The following ZNF142 variants were observed in gnomAD, a reference collection of about 807,000 sequenced individuals.
ZNF142 encodes the protein zinc finger protein 142 (clone pHZ-49).
ZNF142 carries 96 observed loss-of-function variants against 132.1 expected under a neutral mutation model. The ratio of observed to expected loss-of-function variants is 0.73; its 90% CI spans 0.62 to 0.86. The LOEUF (loss-of-function observed/expected upper bound fraction) is 0.86, where lower values mean the gene tolerates loss of function less well. Ranked by LOEUF, ZNF142 falls within the 40% of genes least tolerant of loss-of-function variation. ZNF142 has a pLI of 0.00. For synonymous variants in ZNF142, 842 were observed against 890.1 expected (o/e 0.95, Z 0.96); for missense variants, 2,163 against 2,336.2 (o/e 0.93, Z 1.53).
rs775092227 is a variant in ZNF142 at position 218,643,150 on chromosome 2, G to T, written c.3966C>A (p.His1322Gln). Residue 1322 changes from histidine (H) to glutamine (Q), a missense_variant, in exon 9 of 11, where the codon CAC becomes CAA. This residue lies in a region of ZNF142 where 809 missense variants were observed against 801.7 expected (regional missense o/e 1.01). Transcript: ENST00000411696. ...CCTCGAGGGGGCAGCCCCGGATCTGGTGAGTCCTCAGAGCCCGTTCCTGCT... is the reference window on the plus strand; with the variant it reads ...CCTCGAGGGGGCAGCCCCGGATCTGTTGAGTCCTCAGAGCCCGTTCCTGCT... ...SCQQERALRT[H>Q]QIRGCPLEES... The T allele has an allele frequency of 6.2e-7, 1 of 1,614,228 alleles. No homozygotes were observed. Among genetic ancestry groups the T allele is most frequent in the South Asian group, 1.1e-5 (1 of 91,078 alleles).
intron 8 of ZNF142, 117 bp from the exon 9 acceptor site, chr2:218,645,181 T>A: frequency 7.7e-7 from 1 of 1,303,108 alleles, no homozygotes; most frequent in Non-Finnish European, 1.0e-6. Flanking sequence ...ATGTGTCACC[T>A]GATGTAACCC....
chr2:218,643,112 A>C lies in ZNF142; in HGVS notation c.4004T>G (p.Leu1335Arg), dbSNP rs1171379887. The C allele has an allele frequency of 3.7e-6, 6 of 1,612,822 alleles. No homozygotes were observed. Among genetic ancestry groups the C allele is most frequent in the Admixed American group, 1.7e-5 (1 of 59,750 alleles). The change falls in exon 9 of 11, where the codon CTG becomes CGG. Residue 1335 changes from leucine to arginine, a missense_variant. Coordinates refer to ENST00000411696, the MANE Select transcript of ZNF142 (RefSeq NM_001379659.1). ...AGTGAATGGGCAGAGGCTGCAGTGC[A>C]GCTCTCCAGACTCCTCGAGGGGGCA... ...RGCPLEESGE[L>R]HCSLCPFTAP... is the part of the protein sequence containing the mutation.
chr2:218,640,058 T>TAG (rs1697049018), intron 10 of ZNF142, among the ~76,000 whole-genome samples: 1 of 32,298 alleles, frequency 3.1e-5, no homozygotes, highest in Non-Finnish European at 5.4e-5. Flanking sequence ...CGAGACTCTG[T>TAG]CTCAAAAAAA....
chr2:218,648,072 A>G (rs1009972021), intron 7 of ZNF142, among the ~76,000 whole-genome samples: 1 of 152,214 alleles, frequency 6.6e-6, no homozygotes, highest in African/African-American at 2.4e-5. Flanking sequence ...AGAGATCACA[A>G]ATGGGATGAT....
chr2:218,657,072 C>T (rs771662552), intron 3 of ZNF142, among the ~76,000 whole-genome samples: 13 of 152,158 alleles, frequency 8.5e-5, no homozygotes, highest in Non-Finnish European at 1.6e-4. Context: ...CCCGTTTTGG[C>T]CTCCCAAAGT....
In ZNF142 at chr2:218,651,113, G is replaced by GT. The variant is rs571872454; in HGVS notation, c.880+587dup. ...GTGATCCCCCACCTCAACCTCCCGA[G>GT]TAACTGGGACTACAGACATGTACCA... On this transcript the variant is annotated intron_variant, in intron 5 of 10. Transcript: ENST00000411696. Among the ~76,000 whole-genome samples the GT allele has an allele frequency of 1.5e-4, 22 of 151,584 alleles. No homozygotes were observed. In the South Asian group the frequency reaches 4.4e-3, roughly 30 times the overall value.
Position 218,649,295 on chromosome 2 carries a change from T to C in ZNF142, c.1213A>G (p.Lys405Glu). ...NCQKFFTSKSKLKTHLLRELG... is the reference protein window; with the variant it reads ...NCQKFFTSKSELKTHLLRELG... ...TCCCGCAGCAGATGGGTCTTGAGCTTGCTCTTACTGGTGAAGAACTTCTGG... is the reference window on the plus strand; with the variant it reads ...TCCCGCAGCAGATGGGTCTTGAGCTCGCTCTTACTGGTGAAGAACTTCTGG... The change falls in exon 7 of 11, where the codon AAG becomes GAG. Residue 405 changes from lysine (K) to glutamate (E), a missense_variant. Physicochemically the swap from Lys to Glu is moderately conservative, Grantham distance 56. Transcript: ENST00000411696. 6.2e-7 allele frequency: 1 copy of C among 1,614,258 alleles called. No individual in the cohort carries two copies. The highest frequency in any genetic ancestry group is 1.7e-5 in the Admixed American group (1 of 60,036).
Position 218,638,327 on chromosome 2 carries a change from T to C in ZNF142, c.*12A>G. On this transcript the variant is annotated 3_prime_UTR_variant, in exon 11 of 11. Transcript: ENST00000411696. ...CCATACCCTCTTCCTATACAGGAGG[T>C]GGGGCAGGCTTTCAGCCCTCAGGTC... 6.6e-7 allele frequency: 1 copy of C among 1,504,334 alleles called. No individual in the cohort carries two copies. The highest frequency in any genetic ancestry group is 8.9e-7 in the Non-Finnish European group (1 of 1,126,644). The allele number at this position is 1,504,334 out of a possible 1,614,324, so 93.2% of individuals were successfully genotyped here. A position where few individuals can be genotyped will look rare whatever the true frequency, so the allele number is the denominator to read the frequency against.
Position 218,659,513 on chromosome 2 carries a change from C to A in ZNF142, c.-506G>T, listed in dbSNP as rs1441877178. The A allele has an allele frequency of 6.6e-6, 1 of 152,248 alleles. No homozygotes were observed. Among genetic ancestry groups the A allele is most frequent in the African/African-American group, 2.4e-5 (1 of 41,430 alleles). 9.4% of individuals were successfully genotyped at this position (152,248 alleles called of 1,614,324 possible). ...GGAAGCCACTCTCTCTTCCTCTTGC[C>A]GGCTGCCGGGGTACTCTATGTTTTG... On this transcript the variant is annotated 5_prime_UTR_variant, in exon 1 of 11. Transcript: ENST00000411696. This position sits in a 1 kb window ranked among gnomAD's most constrained non-coding sequence, Gnocchi z 4.4.
chr2:218,656,037 T>C (rs969019662), intron 4 of ZNF142, 113 bp downstream of exon 4: 20 of 1,301,528 alleles, frequency 1.5e-5, no homozygotes, highest in Middle Eastern at 2.8e-4. Context: ...TCTCCAAGTA[T>C]AAAAATAGGA....
rs774221961 is a variant in ZNF142 at position 218,638,578 on chromosome 2, G to A, written c.5425C>T (p.Arg1809Cys). ...HRAFRWAAGL[R>C]HHALTHTDRH... ...TCGGTGTGGGTGAGGGCATGATGGC[G>A]CAGGCCAGCAGCCCAGCGGAAAGCA... Residue 1809 changes from arginine (R) to cysteine (C), a missense_variant, in exon 11 of 11, where the codon CGC becomes TGC. Physicochemically the swap from Arg to Cys is radical, Grantham distance 180. This residue lies in a region of ZNF142 where 325 missense variants were observed against 367.8 expected (regional missense o/e 0.88). Coordinates refer to ENST00000411696, the MANE Select transcript of ZNF142 (RefSeq NM_001379659.1). The A allele has an allele frequency of 1.1e-5, 18 of 1,612,114 alleles. No homozygotes were observed. The highest frequency in any genetic ancestry group is 1.1e-4 in the East Asian group (5 of 44,826).
chr2:218,655,360 G>A (rs1305944585), intron 4 of ZNF142, among the ~76,000 whole-genome samples: 1 of 152,136 alleles, frequency 6.6e-6, no homozygotes, highest in Non-Finnish European at 1.5e-5. Flanking sequence ...ATGGCTGGAG[G>A]ACGGTAATTA....
Position 218,656,319 on chromosome 2 carries a change from C to T in ZNF142, c.111G>A (p.Leu37=). The part of the protein sequence containing the change: ...IPPPLSNRGI[L]GPVQSPCPSR... Reference sequence around the variant, plus strand: ...AAGGACAGGGGCTCTGGACAGGCCCCAGGATTCCACGGTTAGAGAGAGGCG... The same window carrying T: ...AAGGACAGGGGCTCTGGACAGGCCCTAGGATTCCACGGTTAGAGAGAGGCG... The change falls in exon 4 of 11, where the codon CTG becomes CTA. Residue 37 remains leucine (L), a synonymous_variant. Transcript: ENST00000411696. The T allele has an allele frequency of 1.9e-6, 3 of 1,604,424 alleles. No homozygotes were observed. The highest frequency in any genetic ancestry group is 2.6e-6 in the Non-Finnish European group (3 of 1,174,470).
In ZNF142 at chr2:218,651,814, CTGCAG is replaced by C. The variant is rs1308498087; in HGVS notation, c.762_766del (p.His254GlnfsTer64). 7.8e-7 allele frequency: 1 copy of C among 1,289,884 alleles called. No homozygotes were observed. The highest frequency in any genetic ancestry group is 1.0e-6 in the Non-Finnish European group (1 of 988,886). 79.9% of individuals were successfully genotyped at this position (1,289,884 alleles called of 1,614,324 possible). A position where few individuals can be genotyped will look rare whatever the true frequency, so the allele number is the denominator to read the frequency against. ...GAGTTTGACGTTGGAGCCTATGAAGCTGCAGTGGCTGCAGTGGAAAGGGTAATGCG... is the reference window on the plus strand; with the variant it reads ...GAGTTTGACGTTGGAGCCTATGAAGCTGGCTGCAGTGGAAAGGGTAATGCG... On this transcript the variant is annotated frameshift_variant, in exon 5 of 11. Transcript: ENST00000411696. LOFTEE classifies it high-confidence loss of function.
Position 218,638,522 on chromosome 2 carries a change from G to A in ZNF142, c.5481C>T (p.Asn1827=). Reference sequence around the variant, plus strand: ...CCTGGAACTTTTGCTTGGCCTTGTAGTTGCAGAGGCGGCAAAAGAAGGGGT... The same window carrying A: ...CCTGGAACTTTTGCTTGGCCTTGTAATTGCAGAGGCGGCAAAAGAAGGGGT... ...DRHPFFCRLC[N]YKAKQKFQVV... is the part of the protein sequence containing the mutation. The change falls in exon 11 of 11, where the codon AAC becomes AAT. Residue 1827 remains asparagine (N), a synonymous_variant. Coordinates refer to ENST00000411696, the MANE Select transcript of ZNF142 (RefSeq NM_001379659.1). 1.9e-6 allele frequency: 3 copies of A among 1,609,846 alleles called. No individual in the cohort carries two copies. The highest frequency in any genetic ancestry group is 1.1e-5 in the South Asian group (1 of 90,706).
chr2:218,650,421 C>G lies in ZNF142; in HGVS notation c.986G>C (p.Ser329Thr). 1.9e-6 allele frequency: 3 copies of G among 1,614,248 alleles called. No individual in the cohort carries two copies. Among genetic ancestry groups the G allele is most frequent in the Non-Finnish European group, 2.5e-6 (3 of 1,180,044 alleles). The change falls in exon 6 of 11, where the codon AGT becomes ACT. Residue 329 changes from serine to threonine, a missense_variant. Ser to Thr is a moderately conservative substitution (Grantham distance 58). This residue lies in a region of ZNF142 where 749 missense variants were observed against 830.3 expected (regional missense o/e 0.90). Transcript: ENST00000411696. ...EEENVEKEEK[S>T]DTQKDSQKAV... is the part of the protein sequence containing the mutation. ...CTTTTGGGAGTCCTTCTGGGTGTCACTCTTCTCTTCTTTCTCTACATTCTC... is the reference window on the plus strand; with the variant it reads ...CTTTTGGGAGTCCTTCTGGGTGTCAGTCTTCTCTTCTTTCTCTACATTCTC...
Position 218,652,020 on chromosome 2 carries a change from C to T in ZNF142, c.561G>A (p.Arg187=). 1.8e-6 allele frequency: 1 copy of T among 565,410 alleles called. No homozygotes were observed. Among genetic ancestry groups the T allele is most frequent in the Non-Finnish European group, 3.1e-6 (1 of 326,742 alleles). The allele number at this position is 565,410 out of a possible 1,614,324, so 35.0% of individuals were successfully genotyped here. A position where few individuals can be genotyped will look rare whatever the true frequency, so the allele number is the denominator to read the frequency against. The change falls in exon 5 of 11, where the codon CGG becomes CGA. Residue 187 remains arginine (R), a synonymous_variant. Transcript: ENST00000411696. ...QALKSHFKIH[R]GTPDTFSCPE... is the part of the protein sequence containing the mutation. ...GGCAGGAGAAGGTGTCAGGAGTGCC[C>T]CGGTGAATCTTGAAGTGGCTCTTCA...
Position 218,637,015 on chromosome 2 carries a change from A to G in ZNF142, c.*1324T>C, listed in dbSNP as rs1012706756. On this transcript the variant is annotated 3_prime_UTR_variant, in exon 11 of 11. Transcript: ENST00000411696. ...TTCCTCAAAGCCCAAAGCCAAGGGA[A>G]GGATAAATCAAGGCTCAAGGCTTCC... The G allele has an allele frequency of 2.3e-6, 1 of 431,290 alleles. No individual in the cohort carries two copies. Among genetic ancestry groups the G allele is most frequent in the Non-Finnish European group, 4.6e-6 (1 of 216,258 alleles). 26.7% of individuals were successfully genotyped at this position (431,290 alleles called of 1,614,324 possible). A position where few individuals can be genotyped will look rare whatever the true frequency, so the allele number is the denominator to read the frequency against.
chr2:218,652,406 A>C (rs1938093446), intron 4 of ZNF142, 106 bp from the exon 5 acceptor site: 1 of 421,642 alleles, frequency 2.4e-6, no homozygotes, highest in South Asian at 1.8e-5. Flanking sequence ...ATATTCGTAG[A>C]GTACAGATGG....
Sources: gnomAD v4.1 joint callset for allele counts (sites outside exome capture counted in the v4.1 genomes callset) on GRCh38, gnomAD v4.1.1 for gene constraint, gnomAD v4.1.1 regional missense constraint, Gnocchi (gnomAD v3.1) non-coding constraint, MANE v1.5 for transcripts, NCBI Gene and HGNC (gene_info 2026-07-23, HGNC 2026-07-21) for gene names.